GDA: variants seen among roughly 807,000 people sequenced by gnomAD.
GDA encodes the protein cytoplasmic PSD-95 interactor.
A neutral mutation model predicts 59.6 loss-of-function variants in GDA; 18 were observed. The ratio of observed to expected loss-of-function variants is 0.30; its 90% confidence interval spans 0.21 to 0.45. GDA has a LOEUF of 0.45. Ranked by LOEUF, GDA falls within the 20% of genes least tolerant of loss-of-function variation. The pLI, the probability that GDA is intolerant of heterozygous loss-of-function variation, is 1.00. For synonymous variants in GDA, 201 were observed against 201.1 expected (o/e 1.00, Z 0.00); for missense variants, 427 against 552.3 (o/e 0.77, Z 2.27).
At chr9:72,216,808 T>C (rs544131696) in intron 5 of GDA, among the ~76,000 whole-genome samples, 2 of 152,190 alleles carry the variant, frequency 1.3e-5, no homozygotes, top group African/African-American at 4.8e-5. Flanking sequence ...CCCAAGTAGC[T>C]GCGACTACAG....
At chr9:72,132,297 G>A (rs1220101348) in intron 1 of GDA, among the ~76,000 whole-genome samples, 1 of 152,090 alleles carries the variant, frequency 6.6e-6, no homozygotes, top group Non-Finnish European at 1.5e-5. Flanking sequence ...ACCATGGTGA[G>A]TACAAGAAAG....
At chr9:72,129,469 A>G (rs377163059) in intron 1 of GDA, among the ~76,000 whole-genome samples, 1 of 152,306 alleles carries the variant, frequency 6.6e-6, no homozygotes, top group African/African-American at 2.4e-5. Context: ...CTGTTTCTAC[A>G]GTCCAAGTTA....
At chr9:72,258,699 A>G (rs1202959609), downstream of GDA, among the ~76,000 whole-genome samples, 2 of 152,242 alleles carry the variant, frequency 1.3e-5, no homozygotes, top group Non-Finnish European at 2.9e-5. Context: ...CTGACCAAAC[A>G]CAAACGGGTG....
chr9:72,255,242 A>G (rs1325896000), downstream of GDA, among the ~76,000 whole-genome samples: 1 of 152,182 alleles, frequency 6.6e-6, no homozygotes. Context: ...GTGGATGCAA[A>G]TTGAGGGGCA....
chr9:72,202,971 T>C (rs1834197633), intron 3 of GDA, among the ~76,000 whole-genome samples: 1 of 152,188 alleles, frequency 6.6e-6, no homozygotes, highest in African/African-American at 2.4e-5. Flanking sequence ...CCCAATCTGG[T>C]GGGTTTACGT....
At chr9:72,160,933 T>C (rs1490426558) in intron 1 of GDA, among the ~76,000 whole-genome samples, 1 of 152,160 alleles carries the variant, frequency 6.6e-6, no homozygotes, top group Non-Finnish European at 1.5e-5. Flanking sequence ...CTGACATAGC[T>C]TCCTGCCTTC....
chr9:72,205,653 C>T (rs892274937), intron 3 of GDA, among the ~76,000 whole-genome samples: 1 of 152,152 alleles, frequency 6.6e-6, no homozygotes, highest in African/African-American at 2.4e-5. Flanking sequence ...TCACTTGGCA[C>T]CTGTGACTGG....
At chr9:72,169,033 C>T (rs1587450688) in intron 1 of GDA, among the ~76,000 whole-genome samples, 1 of 152,306 alleles carries the variant, frequency 6.6e-6, no homozygotes, top group South Asian at 2.1e-4. Context: ...TTGCTTTTGG[C>T]TTTTTGTCTT....
At chr9:72,191,736 C>G (rs544239274) in intron 1 of GDA, among the ~76,000 whole-genome samples, 7 of 152,110 alleles carry the variant, frequency 4.6e-5, no homozygotes, top group Non-Finnish European at 8.8e-5. Flanking sequence ...CAGGTGTCCA[C>G]CACCACACCC....
At chr9:72,167,683 T>C (rs551733580) in intron 1 of GDA, among the ~76,000 whole-genome samples, 2 of 152,348 alleles carry the variant, frequency 1.3e-5, no homozygotes, top group African/African-American at 4.8e-5. Flanking sequence ...ACCTGGAAGA[T>C]AATTTGTAAT....
rs554898686 is a variant in GDA at position 72,200,409 on chromosome 9, C to A, written c.213-2162C>A. 3.3e-5 allele frequency among the ~76,000 whole-genome samples: 5 copies of A among 151,072 alleles called. No homozygotes were observed. In the East Asian group the frequency reaches 9.7e-4, roughly 29 times the overall value. On this transcript the variant is annotated intron_variant, in intron 2 of 13. Coordinates refer to ENST00000358399, the MANE Select transcript of GDA (RefSeq NM_004293.5). Reference sequence around the variant, plus strand: ...TCCTCTTTTTCTCCTTCTCCTCCTCCTTTCTCGTCCTTTTCCTCTTCTCCT... The same window carrying A: ...TCCTCTTTTTCTCCTTCTCCTCCTCATTTCTCGTCCTTTTCCTCTTCTCCT...
At chr9:72,175,967 A>T (rs991352570) in intron 1 of GDA, among the ~76,000 whole-genome samples, 10 of 152,206 alleles carry the variant, frequency 6.6e-5, no homozygotes, top group Admixed American at 2.6e-4. Context: ...CTGTATAACA[A>T]ATTACCCCAA....
intron 10 of GDA, among the ~76,000 whole-genome samples, chr9:72,236,174 A>T (rs1345218121): frequency 6.6e-6 from 1 of 152,030 alleles, no homozygotes; most frequent in African/African-American, 2.4e-5. Flanking sequence ...TTTTCTTTGT[A>T]TTCACATTGC....
chr9:72,247,363 T>C, intron 12 of GDA, 43 bp from the exon 13 acceptor site: 1 of 1,243,666 alleles, frequency 8.0e-7, no homozygotes, highest in South Asian at 1.2e-5. Context: ...CTTTTCTAAA[T>C]GCACAAATGA....
downstream of GDA, chr9:72,257,915 G>C (rs1161434141): frequency 6.8e-6 from 1 of 147,960 alleles, no homozygotes; most frequent in Admixed American, 6.7e-5. Context: ...CTGGGTGACA[G>C]AGCCAGACCT....
chr9:72,213,120 T>C (rs1293616132), intron 4 of GDA, among the ~76,000 whole-genome samples: 1 of 151,784 alleles, frequency 6.6e-6, no homozygotes, highest in Non-Finnish European at 1.5e-5. Context: ...ATACAAAAAT[T>C]AGCTGGGCAC....
intron 1 of GDA, among the ~76,000 whole-genome samples, chr9:72,149,886 G>A (rs926774774): frequency 2.6e-5 from 4 of 152,216 alleles, no homozygotes; most frequent in South Asian, 2.1e-4. Flanking sequence ...GTTCCCAGAA[G>A]TCGGGAGCAG....
chr9:72,219,821 C>T (rs1435548194), intron 6 of GDA, among the ~76,000 whole-genome samples: 3 of 152,206 alleles, frequency 2.0e-5, no homozygotes, highest in Non-Finnish European at 4.4e-5. Flanking sequence ...TCTATTCCCA[C>T]ACACGCTGTA....
At chr9:72,142,487 G>A (rs1826474111) in intron 1 of GDA, among the ~76,000 whole-genome samples, 1 of 151,344 alleles carries the variant, frequency 6.6e-6, no homozygotes, top group African/African-American at 2.4e-5. Flanking sequence ...GCAGGAGAAT[G>A]GTGTGAACTC....
Sources: allele counts gnomAD v4.1 joint callset (sites outside exome capture counted in the v4.1 genomes callset), GRCh38; gene constraint gnomAD v4.1.1; transcripts MANE v1.5; gene names NCBI Gene and HGNC (gene_info 2026-07-23, HGNC 2026-07-21).